The following PATE2 variants were observed in gnomAD, a reference collection of about 807,000 sequenced individuals.
PATE2 encodes prostate and testis expressed protein 2.
In PATE2, 7 loss-of-function variants were observed where a neutral mutation model predicts 10.5. The observed-to-expected ratio is 0.66, with a 90% CI of 0.38 to 1.25. PATE2 has a LOEUF of 1.25. Ranked by LOEUF, PATE2 falls within the 50% of genes most tolerant of loss-of-function variation. The pLI, the probability that PATE2 is intolerant of heterozygous loss-of-function variation, is 0.02. For missense variants in PATE2, 133 were observed against 135.4 expected, an observed-to-expected ratio of 0.98 and a Z score of 0.09; for synonymous variants, 44 against 46.9, an observed-to-expected ratio of 0.94 and a Z score of 0.25.
intron 2 of PATE2, 85 bp downstream of exon 2, chr11:125,778,467 T>A: frequency 7.0e-7 from 1 of 1,419,760 alleles, no homozygotes; most frequent in Non-Finnish European, 9.9e-7. Context: ...ATTACAGGCC[T>A]CTCTGAAGAT....
chr11:125,776,731 C>T lies in PATE2; in HGVS notation c.*651G>A, dbSNP rs954444467. On this transcript the variant is annotated 3_prime_UTR_variant, in exon 4 of 4. Transcript: ENST00000358524. ...CAGCCAGGGCAATGATAATTCAAGC[C>T]AATTCCACCCACAGCAAGTTATTTC... 10 of 152,388 alleles carry T rather than the reference C, an allele frequency of 6.6e-5. No homozygotes were observed. Among genetic ancestry groups the T allele is most frequent in the Admixed American group, 5.9e-4 (9 of 15,300 alleles). 9.4% of individuals were successfully genotyped at this position (152,388 alleles called of 1,614,324 possible). A position where few individuals can be genotyped will look rare whatever the true frequency, so the allele number is the denominator to read the frequency against.
Position 125,778,789 on chromosome 11 carries a change from A to C in PATE2, c.-16T>G. 6.2e-7 allele frequency: 1 copy of C among 1,613,350 alleles called. No individual in the cohort carries two copies. Reference sequence around the variant, plus strand: ...GAACAAGCATCCTGGAGCTTCTGTCAGGTGCAGCTTCCTGTGGAAGGAGCA... The same window carrying C: ...GAACAAGCATCCTGGAGCTTCTGTCCGGTGCAGCTTCCTGTGGAAGGAGCA... On this transcript the variant is annotated 5_prime_UTR_variant, in exon 1 of 4. Coordinates refer to ENST00000358524, the MANE Select transcript of PATE2 (RefSeq NM_212555.3).
chr11:125,778,671 C>A (rs750709844), intron 1 of PATE2, 51 bp downstream of exon 1: 11 of 1,612,766 alleles, frequency 6.8e-6, no homozygotes, highest in Admixed American at 3.3e-5. Flanking sequence ...CCCCCAGCAT[C>A]TGTCCGTCTC....
At chr11:125,778,646 T>G in intron 1 of PATE2, 71 bp from the exon 2 acceptor site, 3 of 1,612,304 alleles carry the variant, frequency 1.9e-6, no homozygotes, top group Non-Finnish European at 2.5e-6. Context: ...GAGCCAATTT[T>G]GAAAACTTTC....
chr11:125,777,377 T>C lies in PATE2; in HGVS notation c.*5A>G. 6.2e-7 allele frequency: 1 copy of C among 1,612,946 alleles called. No individual in the cohort carries two copies. The highest frequency in any genetic ancestry group is 8.5e-7 in the Non-Finnish European group (1 of 1,179,342). On this transcript the variant is annotated 3_prime_UTR_variant, in exon 4 of 4. Coordinates refer to ENST00000358524, the MANE Select transcript of PATE2 (RefSeq NM_212555.3). ...AAGAACCCAAAATCCAGGAGAGACG[T>C]AGAACTAAACTCCCTCAGGGAGGTT... is the stretch of plus-strand genomic sequence containing the variant.
At position 125,777,524 on chromosome 11, in the gene PATE2, G is replaced by T. The variant is rs1351525591; in HGVS notation, c.206-6C>A. On this transcript the variant is annotated splice_region_variant and splice_polypyrimidine_tract_variant and intron_variant, in intron 3 of 3. Transcript: ENST00000358524. ...ATAATGATACATGCTCTGCCCTGAGGAGGTAAAAGAGAGGAAATATGATCA... is the reference window on the plus strand; with the variant it reads ...ATAATGATACATGCTCTGCCCTGAGTAGGTAAAAGAGAGGAAATATGATCA... 6.2e-7 allele frequency: 1 copy of T among 1,613,346 alleles called. No individual in the cohort carries two copies. Among genetic ancestry groups the T allele is most frequent in the East Asian group, 2.2e-5 (1 of 44,856 alleles).
chr11:125,777,921 T>C lies in PATE2; in HGVS notation c.158A>G (p.His53Arg), dbSNP rs145913150. 131 of 1,613,402 alleles carry C rather than the reference T, an allele frequency of 8.1e-5. No individual in the cohort carries two copies. Among genetic ancestry groups the C allele is most frequent in the Non-Finnish European group, 1.1e-4 (129 of 1,179,636 alleles). ...YGVMTSCSLKHKQSCAVENFY... is the reference protein window; with the variant it reads ...YGVMTSCSLKRKQSCAVENFY... ...GTTCTCAACTGCACAGGACTGTTTA[T>C]GCTTCAGGGAGCAGGATGTCATGAC... The change falls in exon 3 of 4, where the codon CAT (histidine) becomes CGT (arginine). Residue 53 changes from histidine (H) to arginine (R), a missense_variant. His to Arg is a conservative substitution (Grantham distance 29, BLOSUM62 0). Transcript: ENST00000358524.
In PATE2 at chr11:125,778,822, C is replaced by T. The variant is rs1483681471; in HGVS notation, c.-49G>A. 1.9e-6 allele frequency: 3 copies of T among 1,594,004 alleles called. No individual in the cohort carries two copies. Among genetic ancestry groups the T allele is most frequent in the Non-Finnish European group, 2.6e-6 (3 of 1,163,200 alleles). On this transcript the variant is annotated 5_prime_UTR_variant, in exon 1 of 4. Transcript: ENST00000358524. ...CTTCCTGTGGAAGGAGCAAGTTGTTCTCTTGTGATCTGTCCTTGGGCTAGT... is the reference window on the plus strand; with the variant it reads ...CTTCCTGTGGAAGGAGCAAGTTGTTTTCTTGTGATCTGTCCTTGGGCTAGT...
At chr11:125,777,588 ATC>A (rs1943498130) in intron 3 of PATE2, 70 bp from the exon 4 acceptor site, 3 of 1,586,646 alleles carry the variant, frequency 1.9e-6, no homozygotes, top group Non-Finnish European at 2.6e-6. Context: ...CCTAGGAGTA[ATC>A]TGTTTTTGTG....
In PATE2 at chr11:125,777,111, C is replaced by G; in HGVS notation, c.*271G>C. On this transcript the variant is annotated 3_prime_UTR_variant, in exon 4 of 4. Transcript: ENST00000358524. ...TACAGGAGATAATAAATGACCAAGTCTGAGCTTATTCATGGCAGTATCACG... is the reference window on the plus strand; with the variant it reads ...TACAGGAGATAATAAATGACCAAGTGTGAGCTTATTCATGGCAGTATCACG... 2.8e-6 allele frequency: 1 copy of G among 353,962 alleles called. No individual in the cohort carries two copies. Among genetic ancestry groups the G allele is most frequent in the Non-Finnish European group, 5.2e-6 (1 of 191,736 alleles). The allele number at this position is 353,962 out of a possible 1,614,324, so 21.9% of individuals were successfully genotyped here.
chr11:125,777,997 C>G lies in PATE2; in HGVS notation c.82G>C (p.Glu28Gln). Residue 28 changes from glutamate (E) to glutamine (Q), a missense_variant, in exon 3 of 4, where the codon GAA (glutamate) becomes CAA (glutamine). Physicochemically the swap from Glu to Gln is conservative, Grantham distance 29. Coordinates refer to ENST00000358524, the MANE Select transcript of PATE2 (RefSeq NM_212555.3). ...GELHDPIKATEIMCYECKKYH... is the reference protein window; with the variant it reads ...GELHDPIKATQIMCYECKKYH... ...TTTTTACATTCATAACACATTATTT[C>G]AGTCGCTGCCAGATACAAAAAGAGG... The G allele has an allele frequency of 1.2e-6, 2 of 1,612,710 alleles. No homozygotes were observed. Among genetic ancestry groups the G allele is most frequent in the South Asian group, 2.2e-5 (2 of 91,052 alleles).
At chr11:125,778,697 C>G in intron 1 of PATE2, 25 bp downstream of exon 1, 2 of 1,613,552 alleles carry the variant, frequency 1.2e-6, no homozygotes, top group Non-Finnish European at 1.7e-6. Context: ...CAACCACCAG[C>G]TTCCCCTCTG....
chr11:125,777,346 T>C lies in PATE2; in HGVS notation c.*36A>G, dbSNP rs1591464031. On this transcript the variant is annotated 3_prime_UTR_variant, in exon 4 of 4. Transcript: ENST00000358524. ...AGGGAAGAGAAAAAGAGCGTAGTGG[T>C]TGAAAAAGAACCCAAAATCCAGGAG... The C allele has an allele frequency of 6.2e-7, 1 of 1,605,938 alleles. No individual in the cohort carries two copies. The highest frequency in any genetic ancestry group is 1.1e-5 in the South Asian group (1 of 90,640).
Position 125,777,333 on chromosome 11 carries a change from A to G in PATE2, c.*49T>C. The stretch of plus-strand genomic sequence containing the variant: ...AAAATTCAGGTTCAGGGAAGAGAAA[A>G]AGAGCGTAGTGGTTGAAAAAGAACC... On this transcript the variant is annotated 3_prime_UTR_variant, in exon 4 of 4. Transcript: ENST00000358524. 6.3e-7 allele frequency: 1 copy of G among 1,593,366 alleles called. No individual in the cohort carries two copies. Among genetic ancestry groups the G allele is most frequent in the South Asian group, 1.1e-5 (1 of 89,578 alleles).
At chr11:125,777,575 G>T in intron 3 of PATE2, 57 bp from the exon 4 acceptor site, 1 of 1,594,360 alleles carries the variant, frequency 6.3e-7, no homozygotes, top group Non-Finnish European at 8.6e-7. Flanking sequence ...CTTTTACTGC[G>T]TTCCTAGGAG....
Position 125,777,022 on chromosome 11 carries a change from A to T in PATE2, c.*360T>A. 1.1e-5 allele frequency: 2 copies of T among 178,234 alleles called. No homozygotes were observed. Among genetic ancestry groups the T allele is most frequent in the African/African-American group, 2.4e-5 (1 of 42,324 alleles). 11.0% of individuals were successfully genotyped at this position (178,234 alleles called of 1,614,324 possible). A position where few individuals can be genotyped will look rare whatever the true frequency, so the allele number is the denominator to read the frequency against. On this transcript the variant is annotated 3_prime_UTR_variant, in exon 4 of 4. Coordinates refer to ENST00000358524, the MANE Select transcript of PATE2 (RefSeq NM_212555.3). Reference sequence around the variant, plus strand: ...GGAGTGTGTGTGTAGATGAGGATAGAGGATAGTCACAGAATTCTCAGTACA... The same window carrying T: ...GGAGTGTGTGTGTAGATGAGGATAGTGGATAGTCACAGAATTCTCAGTACA...
intron 3 of PATE2, 36 bp from the exon 4 acceptor site, chr11:125,777,554 G>T: frequency 6.2e-7 from 1 of 1,611,752 alleles, no homozygotes. Context: ...TGATCATAAT[G>T]ACCTCATTTC....
intron 3 of PATE2, 136 bp from the exon 4 acceptor site, chr11:125,777,654 T>C: frequency 2.4e-6 from 3 of 1,234,628 alleles, no homozygotes. Flanking sequence ...AGTCTGTTAA[T>C]TGCTGACCCA....
intron 3 of PATE2, among the ~76,000 whole-genome samples, 168 bp downstream of exon 3, chr11:125,777,706 T>C (rs1943499225): frequency 6.6e-6 from 1 of 152,116 alleles, no homozygotes; most frequent in Non-Finnish European, 1.5e-5. Flanking sequence ...GACATCAGCC[T>C]CTTTTTCACT....
Sources: gnomAD v4.1 joint callset for allele counts (sites outside exome capture counted in the v4.1 genomes callset) on GRCh38, gnomAD v4.1.1 for gene constraint, MANE v1.5 for transcripts, NCBI Gene and HGNC (gene_info 2026-07-23, HGNC 2026-07-21) for gene names.